RBPJ: variants seen among roughly 807,000 people sequenced by gnomAD.
RBPJ encodes the protein recombination signal binding protein for immunoglobulin kappa J region.
A neutral mutation model predicts 67.8 loss-of-function variants in RBPJ; 9 were observed. The ratio of observed to expected loss-of-function variants is 0.13; its 90% CI spans 0.08 to 0.23. The LOEUF (loss-of-function observed/expected upper bound fraction) is 0.23. Among genes scored for constraint, RBPJ ranks in the 10% least tolerant of loss-of-function variants. The pLI is 1.00. For missense variants in RBPJ, 305 were observed against 595.6 expected (o/e 0.51, Z 5.08); for synonymous variants, 198 against 203.3 (o/e 0.97, Z 0.22).
chr4:26,200,779 T>C (rs999015133), intron 1 of RBPJ, among the ~76,000 whole-genome samples: 4 of 152,158 alleles, frequency 2.6e-5, no homozygotes, highest in African/African-American at 9.7e-5. Context: ...CATTGTTTCA[T>C]CTCAGGAGCC....
chr4:26,229,672 TC>T, intron 1 of RBPJ, among the ~76,000 whole-genome samples: 1 of 152,192 alleles, frequency 6.6e-6, no homozygotes, highest in Non-Finnish European at 1.5e-5. Context: ...CTGTGTGTCA[TC>T]TAAGCTTCAA....
rs1167315649 is a variant in RBPJ at position 26,432,787 on chromosome 4, A to C, written c.*1780A>C. ...TGAATGCAAAACTGTAACTTCCTAC[A>C]GTGTTTCCCTACAGAACATTGTCTT... On this transcript the variant is annotated 3_prime_UTR_variant, in exon 11 of 11. Transcript: ENST00000355476. 2 of 152,202 alleles carry C rather than the reference A, an allele frequency of 1.3e-5. No homozygotes were observed. The highest frequency in any genetic ancestry group is 2.4e-5 in the African/African-American group (1 of 41,454). The allele number at this position is 152,202 out of a possible 1,614,324, so 9.4% of individuals were successfully genotyped here. A position where few individuals can be genotyped will look rare whatever the true frequency, so the allele number is the denominator to read the frequency against.
the RBPJ span, among the ~76,000 whole-genome samples, chr4:26,109,458 CTCTATATATATATA>C: frequency 1.4e-4 from 2 of 14,396 alleles, no homozygotes; most frequent in Non-Finnish European, 2.6e-4. Flanking sequence ...CTCTCTCTCT[CTCTATATATATATA>C]TATATATATA....
chr4:26,407,874 G>T (rs1733594179), intron 3 of RBPJ, among the ~76,000 whole-genome samples: 1 of 137,972 alleles, frequency 7.2e-6, no homozygotes. Flanking sequence ...GAGGGGTAAA[G>T]CTTTCTTTCT....
intron 7 of RBPJ, among the ~76,000 whole-genome samples, chr4:26,427,604 A>G (rs2109831256): frequency 6.6e-6 from 1 of 152,280 alleles, no homozygotes; most frequent in Non-Finnish European, 1.5e-5. Context: ...ATGAAGTAAA[A>G]TGAGGACAGA....
At chr4:26,261,452 C>T (rs1720532639) in intron 1 of RBPJ, among the ~76,000 whole-genome samples, 1 of 151,936 alleles carries the variant, frequency 6.6e-6, no homozygotes, top group African/African-American at 2.4e-5. Context: ...ATGAGGAAGG[C>T]TATATCCCTT....
chr4:26,390,868 A>T (rs1428092628), intron 2 of RBPJ, among the ~76,000 whole-genome samples: 3 of 152,192 alleles, frequency 2.0e-5, no homozygotes, highest in Non-Finnish European at 4.4e-5. Flanking sequence ...CAGCTTGGGC[A>T]ACCAAGTGAG....
chr4:26,310,039 T>G (rs899810386), intron 1 of RBPJ, among the ~76,000 whole-genome samples: 1 of 152,212 alleles, frequency 6.6e-6, no homozygotes, highest in Non-Finnish European at 1.5e-5. Context: ...CTGCACATAT[T>G]AACAAGCTAA....
At position 26,291,195 on chromosome 4, in the gene RBPJ, C is replaced by T. The variant is rs2109287421; in HGVS notation, c.-166-71251C>T. On this transcript the variant is annotated intron_variant, in intron 1 of 4. Transcript: ENST00000512351. The stretch of plus-strand genomic sequence containing the variant: ...AAGAGGCGAGTAGGGGGAGAAGCCA[C>T]TTGTTGGAATGACTAGTATATTAAG... Among the ~76,000 whole-genome samples, 3 of 151,128 alleles carry T rather than the reference C, an allele frequency of 2.0e-5. 1 individual carries two copies. The East Asian group carries it at 5.9e-4, about 30-fold the overall frequency.
the RBPJ span, among the ~76,000 whole-genome samples, chr4:26,124,626 T>C: frequency 6.6e-6 from 1 of 151,776 alleles, no homozygotes; most frequent in South Asian, 2.1e-4. Context: ...CTGGATCAAA[T>C]GGCAGTTCTA....
At chr4:26,203,081 T>C (rs1338219884) in intron 1 of RBPJ, among the ~76,000 whole-genome samples, 1 of 152,142 alleles carries the variant, frequency 6.6e-6, no homozygotes, top group African/African-American at 2.4e-5. Flanking sequence ...GTCAACCCTA[T>C]CTAGTCCAAG....
intron 1 of RBPJ, among the ~76,000 whole-genome samples, chr4:26,357,665 C>T (rs951338715): frequency 1.3e-5 from 2 of 152,078 alleles, no homozygotes; most frequent in Admixed American, 1.3e-4. Flanking sequence ...ACTATCACTA[C>T]CATCCATCTC....
intron 1 of RBPJ, among the ~76,000 whole-genome samples, chr4:26,186,014 C>G (rs535072025): frequency 2.6e-5 from 4 of 151,940 alleles, no homozygotes; most frequent in African/African-American, 9.7e-5. Flanking sequence ...CCATTGCACT[C>G]CAGCGTAGGC....
rs538867508 is a variant in RBPJ, at chr4:26,278,005, T to C, written c.-166-84441T>C. Reference sequence around the variant, plus strand: ...TGTGTGTGTGTCTTGCCTTCTAAGCTAGCTCCTTTGCTGAATATTTATTGA... The same window carrying C: ...TGTGTGTGTGTCTTGCCTTCTAAGCCAGCTCCTTTGCTGAATATTTATTGA... On this transcript the variant is annotated intron_variant, in intron 1 of 4. Transcript: ENST00000512351. Among the ~76,000 whole-genome samples the C allele has an allele frequency of 2.6e-5, 4 of 152,314 alleles. No individual in the cohort carries two copies. The South Asian group carries it at 8.3e-4, about 32-fold the overall frequency.
At chr4:26,403,560 A>G (rs1413671121) in intron 2 of RBPJ, among the ~76,000 whole-genome samples, 4 of 152,102 alleles carry the variant, frequency 2.6e-5, no homozygotes, top group Non-Finnish European at 5.9e-5. Context: ...AGTAGACTTC[A>G]GTGTCTGTCA....
In RBPJ at chr4:26,244,337, A is replaced by ACG. The variant is rs1719816780; in HGVS notation, c.-167+80724_-167+80725insGC. On this transcript the variant is annotated intron_variant, in intron 1 of 4. Transcript: ENST00000512351. Reference sequence around the variant, plus strand: ...TGTGTATATGTATACACATATGTGTACACATATGTGTGTATATATATGTAT... The same window carrying ACG: ...TGTGTATATGTATACACATATGTGTACGCACATATGTGTGTATATATATGTAT... Among the ~76,000 whole-genome samples, 8 of 150,542 alleles carry ACG rather than the reference A, an allele frequency of 5.3e-5. 1 individual carries two copies. The highest frequency in any genetic ancestry group is 1.2e-4 in the African/African-American group (5 of 40,378).
At chr4:26,343,767 T>G (rs1435171144) in intron 1 of RBPJ, among the ~76,000 whole-genome samples, 2 of 144,178 alleles carry the variant, frequency 1.4e-5, no homozygotes, top group Non-Finnish European at 3.0e-5. Context: ...TTTTTTTTTT[T>G]GTGACGGAGG....
chr4:26,429,778 A>G (rs1241478689), intron 8 of RBPJ, 120 bp from the exon 9 acceptor site: 3 of 802,680 alleles, frequency 3.7e-6, no homozygotes, highest in Middle Eastern at 3.8e-4. Context: ...TAGAAAGTTT[A>G]TAAGTTTTTA....
intron 1 of RBPJ, among the ~76,000 whole-genome samples, chr4:26,342,104 CA>C (rs1725597960): frequency 6.6e-6 from 1 of 152,106 alleles, no homozygotes; most frequent in Admixed American, 6.6e-5. Context: ...AAAAGGTCTG[CA>C]GTGGAACTCC....
Sources: gnomAD v4.1 joint callset for allele counts (sites outside exome capture counted in the v4.1 genomes callset) on GRCh38, gnomAD v4.1.1 for gene constraint, MANE v1.5 for transcripts, NCBI Gene and HGNC (gene_info 2026-07-23, HGNC 2026-07-21) for gene names.